Variants in TMC5 observed in about 807,000 individuals in gnomAD.
The protein encoded by TMC5 is transmembrane channel-like protein 5.
Under a neutral mutation model 110.5 loss-of-function variants are expected in TMC5, and 86 were observed. That is an observed-to-expected ratio of 0.78 (90% CI 0.65 to 0.93). TMC5 has a LOEUF of 0.93. TMC5 is among the 40% of genes least tolerant of loss of function. The probability of loss-of-function intolerance (pLI) is 0.00; values close to 1 mark genes in which losing one functional copy is unlikely to be tolerated. For synonymous variants in TMC5, 455 were observed against 439.5 expected (o/e 1.04, Z -0.44); for missense variants, 1,144 against 1,222.8 (o/e 0.94, Z 0.96).
exon 1 of TMC5, chr16:19,410,933 G>A (rs1399044734): frequency 6.6e-6 from 1 of 152,318 alleles, no homozygotes; most frequent in Non-Finnish European, 1.5e-5. Context: ...GGCTGGGAGC[G>A]GGGAGCCAGC....
chr16:19,423,984 C>T (rs1967038889), intron 1 of TMC5, among the ~76,000 whole-genome samples: 3 of 152,162 alleles, frequency 2.0e-5, no homozygotes, highest in Non-Finnish European at 4.4e-5. Context: ...AAACTCCTGA[C>T]CTCAGGTGTT....
intron 5 of TMC5, among the ~76,000 whole-genome samples, chr16:19,451,893 G>A (rs1597182019): frequency 6.6e-6 from 1 of 152,204 alleles, no homozygotes; most frequent in African/African-American, 2.4e-5. Context: ...CCGCCTCCCA[G>A]GTTCAAGCGA....
intron 14 of TMC5, among the ~76,000 whole-genome samples, chr16:19,480,490 G>T (rs369840155): frequency 2.0e-5 from 3 of 152,140 alleles, no homozygotes; most frequent in African/African-American, 7.2e-5. Context: ...TCTAGCCTCT[G>T]TCGAGGGCCT....
chr16:19,490,995 C>CTTCA (rs1482113717), intron 18 of TMC5, among the ~76,000 whole-genome samples: 1 of 142,478 alleles, frequency 7.0e-6, no homozygotes, highest in Non-Finnish European at 1.5e-5. Context: ...TCCTTCCTTC[C>CTTCA]TTCCTTCCTT....
chr16:19,482,145 C>T (rs999964548), intron 15 of TMC5, among the ~76,000 whole-genome samples: 4 of 152,094 alleles, frequency 2.6e-5, no homozygotes, highest in East Asian at 3.9e-4. Flanking sequence ...CTGCAACCTC[C>T]GCCTCCTAGG....
intron 1 of TMC5, among the ~76,000 whole-genome samples, chr16:19,422,432 A>G (rs888567141): frequency 6.6e-6 from 1 of 152,184 alleles, no homozygotes; most frequent in Non-Finnish European, 1.5e-5. Context: ...CCGTTTACTT[A>G]GGGACCTGGA....
chr16:19,444,272 A>G, intron 4 of TMC5, 22 bp downstream of exon 4: 1 of 1,607,340 alleles, frequency 6.2e-7, no homozygotes, highest in Non-Finnish European at 8.5e-7. Context: ...TTAAGCCAGG[A>G]TCATATCCTG....
At chr16:19,437,816 T>C (rs1250338886) in intron 2 of TMC5, among the ~76,000 whole-genome samples, 1 of 152,196 alleles carries the variant, frequency 6.6e-6, no homozygotes, top group African/African-American at 2.4e-5. Context: ...TGACATGACA[T>C]TGGAAGCTCC....
At chr16:19,472,050 C>T (rs769765638) in intron 10 of TMC5, 38 bp from the exon 11 acceptor site, 1 of 1,608,042 alleles carries the variant, frequency 6.2e-7, no homozygotes, top group Non-Finnish European at 8.5e-7. Context: ...CGTGAGCCAC[C>T]ATGCCCAGCC....
intron 1 of TMC5, among the ~76,000 whole-genome samples, chr16:19,412,668 C>T (rs1341058276): frequency 2.6e-5 from 4 of 152,094 alleles, no homozygotes; most frequent in South Asian, 4.1e-4. Context: ...GCACCCAGCC[C>T]GAGCCCACCC....
At position 19,464,082 on chromosome 16, in the gene TMC5, G is replaced by T; in HGVS notation, c.1485+58G>T. On this transcript the variant is annotated intron_variant, in intron 8 of 21. Coordinates refer to ENST00000542583, the MANE Select transcript of TMC5 (RefSeq NM_001261841.2). ...CCAATCACCTCGGAAACCCAGGGAC[G>T]TGCCTTGCCGGTCACCCACTCACAC... The T allele has an allele frequency of 1.9e-6, 3 of 1,571,212 alleles. No individual in the cohort carries two copies. In the Admixed American group the frequency reaches 5.4e-5, roughly 28 times the overall value.
intron 5 of TMC5, among the ~76,000 whole-genome samples, chr16:19,455,878 T>C (rs78640313): frequency 0.02 from 2,971 of 152,222 alleles, 44 homozygotes; most frequent in Non-Finnish European, 0.031. Flanking sequence ...TGTAAACCCA[T>C]GTGGATTTCT....
At chr16:19,456,875 ACAGT>A in intron 5 of TMC5, 1 of 1,614,214 alleles carries the variant, frequency 6.2e-7, no homozygotes, top group Non-Finnish European at 8.5e-7. Flanking sequence ...AGACTCTCAG[ACAGT>A]CAGCAAAAGG....
At chr16:19,415,657 G>A (rs74013761), upstream of TMC5, among the ~76,000 whole-genome samples, 722 of 152,300 alleles carry the variant, frequency 4.7e-3, 6 homozygotes, top group African/African-American at 0.016. Flanking sequence ...CACAATGATT[G>A]GCAGGCAGAA....
intron 1 of TMC5, among the ~76,000 whole-genome samples, chr16:19,430,066 T>C (rs1967165832): frequency 6.6e-6 from 1 of 152,134 alleles, no homozygotes; most frequent in Non-Finnish European, 1.5e-5. Context: ...GCATATGCCC[T>C]GGAAAGTCAC....
At chr16:19,464,172 G>A (rs759055810) in intron 8 of TMC5, 148 bp downstream of exon 8, 33 of 1,032,434 alleles carry the variant, frequency 3.2e-5, no homozygotes, top group Non-Finnish European at 4.4e-5. Flanking sequence ...TCCTGGCTGA[G>A]TGTGGTGACT....
At chr16:19,434,213 GTA>G (rs1967270151) in intron 2 of TMC5, among the ~76,000 whole-genome samples, 2 of 111,484 alleles carry the variant, frequency 1.8e-5, no homozygotes, top group African/African-American at 4.0e-5. Context: ...TATATCTATA[GTA>G]TATATATCTA....
At chr16:19,466,913 T>G (rs1968204679) in intron 9 of TMC5, among the ~76,000 whole-genome samples, 1 of 152,064 alleles carries the variant, frequency 6.6e-6, no homozygotes, top group Non-Finnish European at 1.5e-5. Flanking sequence ...GGGAGTCTGA[T>G]GCAGGCTGAT....
chr16:19,419,462 G>C (rs1367104056), intron 1 of TMC5, among the ~76,000 whole-genome samples: 1 of 130,344 alleles, frequency 7.7e-6, no homozygotes, highest in Non-Finnish European at 1.6e-5. Context: ...GCTCAGGCTG[G>C]AGTGCAGTGG....
Sources: allele counts gnomAD v4.1 joint callset (sites outside exome capture counted in the v4.1 genomes callset), GRCh38; gene constraint gnomAD v4.1.1; transcripts MANE v1.5; gene names NCBI Gene and HGNC (gene_info 2026-07-23, HGNC 2026-07-21).